ASAP1: variants seen among roughly 807,000 people sequenced by gnomAD.
ASAP1 encodes arf-GAP with SH3 domain, ANK repeat and PH domain-containing protein 1.
ASAP1 carries 43 observed loss-of-function variants against 145.2 expected under a neutral mutation model. The ratio of observed to expected loss-of-function variants is 0.30; its 90% CI spans 0.23 to 0.38. The LOEUF is 0.38. ASAP1 is among the 10% of genes least tolerant of loss of function. ASAP1 has a pLI of 1.00. For synonymous variants in ASAP1, 546 were observed against 515.5 expected, an observed-to-expected ratio of 1.06 and a Z score of -0.80; for missense variants, 1,018 against 1,355.3, an observed-to-expected ratio of 0.75 and a Z score of 3.91.
At chr8:130,297,107 C>G (rs1368169610) in intron 3 of ASAP1, among the ~76,000 whole-genome samples, 1 of 152,184 alleles carries the variant, frequency 6.6e-6, no homozygotes, top group Non-Finnish European at 1.5e-5. Context: ...AGTAAAAGGA[C>G]AGCGAATAAT....
intron 2 of ASAP1, among the ~76,000 whole-genome samples, chr8:130,364,336 A>G (rs550171578): frequency 6.6e-6 from 1 of 152,388 alleles, no homozygotes; most frequent in East Asian, 1.9e-4. Context: ...GCTTAGTATT[A>G]TGCGCCCTGT....
At chr8:130,184,660 G>C (rs1238143194) in intron 7 of ASAP1, among the ~76,000 whole-genome samples, 1 of 152,124 alleles carries the variant, frequency 6.6e-6, no homozygotes, top group African/African-American at 2.4e-5. Flanking sequence ...CTGTTATTTG[G>C]GGTTTCCATT....
intron 2 of ASAP1, among the ~76,000 whole-genome samples, chr8:130,359,566 C>A (rs987528425): frequency 2.0e-5 from 3 of 152,014 alleles, no homozygotes; most frequent in Non-Finnish European, 4.4e-5. Context: ...CGACACACAC[C>A]CACCGCGCCC....
intron 3 of ASAP1, among the ~76,000 whole-genome samples, chr8:130,301,801 A>G (rs2554369): frequency 0.31 from 46,784 of 152,116 alleles, 7,251 homozygotes; most frequent in Non-Finnish European, 0.32. Context: ...ATGCATATGC[A>G]TTGTTGTTGA....
intron 3 of ASAP1, among the ~76,000 whole-genome samples, chr8:130,320,020 T>C (rs1823902131): frequency 6.6e-6 from 1 of 152,246 alleles, no homozygotes; most frequent in African/African-American, 2.4e-5. Context: ...TTAATGCTAT[T>C]AGTATTCACA....
At chr8:130,372,911 T>C (rs1326223494) in intron 2 of ASAP1, among the ~76,000 whole-genome samples, 4 of 152,030 alleles carry the variant, frequency 2.6e-5, no homozygotes, top group East Asian at 3.9e-4. Context: ...CACAGACATA[T>C]AGACACACAT....
chr8:130,160,453 T>G (rs1010465930), intron 11 of ASAP1, among the ~76,000 whole-genome samples: 1 of 152,240 alleles, frequency 6.6e-6, no homozygotes, highest in Non-Finnish European at 1.5e-5. Context: ...GTTTTAACAA[T>G]TATTATGTCT....
intron 3 of ASAP1, among the ~76,000 whole-genome samples, chr8:130,241,300 G>A (rs753473434): frequency 3.3e-5 from 5 of 152,036 alleles, no homozygotes; most frequent in African/African-American, 1.2e-4. Flanking sequence ...TCAAATGCAC[G>A]TCATGCCAGT....
intron 15 of ASAP1, 49 bp downstream of exon 15, chr8:130,134,246 AG>A (rs1250067094): frequency 7.3e-7 from 1 of 1,379,040 alleles, no homozygotes; most frequent in Non-Finnish European, 1.0e-6. Context: ...GTAAACAGAG[AG>A]GTGCTTTTTC....
At chr8:130,326,702 A>C (rs1038768865) in intron 3 of ASAP1, among the ~76,000 whole-genome samples, 3 of 152,260 alleles carry the variant, frequency 2.0e-5, no homozygotes, top group African/African-American at 7.2e-5. Context: ...TACACTTTGA[A>C]TGCATTAAGA....
intron 3 of ASAP1, among the ~76,000 whole-genome samples, chr8:130,245,301 T>TA (rs775481646): frequency 2.0e-5 from 3 of 152,172 alleles, no homozygotes; most frequent in Non-Finnish European, 4.4e-5. Flanking sequence ...AAAGTGTCCT[T>TA]AAGATTCTCC....
intron 26 of ASAP1, 27 bp downstream of exon 26, chr8:130,079,875 G>C (rs753198304): frequency 6.2e-7 from 1 of 1,603,704 alleles, no homozygotes; most frequent in Non-Finnish European, 8.5e-7. Flanking sequence ...GATCCAACAG[G>C]GGAAATGAAG....
At chr8:130,392,477 C>T (rs1044163483) in intron 2 of ASAP1, among the ~76,000 whole-genome samples, 4 of 152,154 alleles carry the variant, frequency 2.6e-5, no homozygotes, top group African/African-American at 9.7e-5. Context: ...TTAGTAAGCA[C>T]CTAATATGTG....
At chr8:130,129,385 G>C (rs1280619626) in intron 15 of ASAP1, among the ~76,000 whole-genome samples, 1 of 152,134 alleles carries the variant, frequency 6.6e-6, no homozygotes, top group Non-Finnish European at 1.5e-5. Flanking sequence ...ATTTTCTATA[G>C]AAAACAACTG....
Position 130,136,950 on chromosome 8 carries a change from C to A in ASAP1, c.1168+1G>T. ...AACTCAGAGAGAGAAAAAGGACTCACGTGATATCAGGTCAAAAGATTTTTT... is the reference window on the plus strand; with the variant it reads ...AACTCAGAGAGAGAAAAAGGACTCAAGTGATATCAGGTCAAAAGATTTTTT... On this transcript the variant is annotated splice_donor_variant, in intron 14 of 29. Transcript: ENST00000518721. LOFTEE classifies it high-confidence loss of function. 6.2e-7 allele frequency: 1 copy of A among 1,613,582 alleles called. No individual in the cohort carries two copies.
intron 3 of ASAP1, among the ~76,000 whole-genome samples, chr8:130,300,985 C>T (rs1023098038): frequency 8.5e-5 from 13 of 152,106 alleles, no homozygotes; most frequent in Admixed American, 4.6e-4. Context: ...ATATTGCTAT[C>T]GCTAAATCAA....
At chr8:130,097,089 G>GCA (rs2097519539) in intron 24 of ASAP1, among the ~76,000 whole-genome samples, 1 of 118,186 alleles carries the variant, frequency 8.5e-6, no homozygotes, top group Admixed American at 1.3e-4. Context: ...TCATGCCACT[G>GCA]CACTCCAGCC....
At chr8:130,180,350 G>A (rs989774895) in intron 8 of ASAP1, among the ~76,000 whole-genome samples, 2 of 152,084 alleles carry the variant, frequency 1.3e-5, no homozygotes, top group African/African-American at 4.8e-5. Context: ...TCGTGAAATC[G>A]ACTTTCTTAA....
intron 26 of ASAP1, among the ~76,000 whole-genome samples, chr8:130,078,357 C>G (rs892188315): frequency 6.6e-6 from 1 of 151,946 alleles, no homozygotes; most frequent in Non-Finnish European, 1.5e-5. Context: ...TGCAGAGGTG[C>G]GATCATGACT....
Sources: allele counts gnomAD v4.1 joint callset (sites outside exome capture counted in the v4.1 genomes callset), GRCh38; gene constraint gnomAD v4.1.1; transcripts MANE v1.5; gene names NCBI Gene and HGNC (gene_info 2026-07-23, HGNC 2026-07-21).